The following AGBL4 variants were observed in gnomAD, a reference collection of about 807,000 sequenced individuals.
AGBL4 encodes cytosolic carboxypeptidase 6.
Under a neutral mutation model 66.4 loss-of-function variants are expected in AGBL4, and 58 were observed. The ratio of observed to expected loss-of-function variants is 0.87; its 90% CI spans 0.71 to 1.09. The LOEUF (loss-of-function observed/expected upper bound fraction) is 1.09, where lower values mean the gene tolerates loss of function less well. Ranked by LOEUF, AGBL4 falls within the 50% of genes least tolerant of loss-of-function variation. AGBL4 has a pLI of 0.00. For synonymous variants in AGBL4, 234 were observed against 222.9 expected, an observed-to-expected ratio of 1.05 and a Z score of -0.44; for missense variants, 579 against 631.0, an observed-to-expected ratio of 0.92 and a Z score of 0.88.
chr1:49,041,001 A>G (rs1342889290), intron 5 of AGBL4, among the ~76,000 whole-genome samples: 1 of 152,132 alleles, frequency 6.6e-6, no homozygotes, highest in Non-Finnish European at 1.5e-5. Context: ...TAAATGGCAG[A>G]TCACGGTTTT....
At chr1:49,950,084 G>A (rs12728731) in intron 1 of AGBL4, among the ~76,000 whole-genome samples, 1 of 134,644 alleles carries the variant, frequency 7.4e-6, no homozygotes, top group Non-Finnish European at 1.6e-5. Context: ...ACACATATGT[G>A]TATATATATA....
intron 3 of AGBL4, among the ~76,000 whole-genome samples, chr1:49,686,276 C>A (rs1039291245): frequency 6.6e-6 from 1 of 152,098 alleles, no homozygotes; most frequent in African/African-American, 2.4e-5. Context: ...AGTTCTTTTG[C>A]CAGCACCCTC....
chr1:49,216,257 T>A (rs1317316375), intron 4 of AGBL4, among the ~76,000 whole-genome samples: 1 of 152,138 alleles, frequency 6.6e-6, no homozygotes, highest in Non-Finnish European at 1.5e-5. Context: ...TTAATTTTAT[T>A]CATTTTTTTC....
At chr1:48,756,737 T>A (rs1007716082) in intron 6 of AGBL4, among the ~76,000 whole-genome samples, 1 of 152,238 alleles carries the variant, frequency 6.6e-6, no homozygotes. Flanking sequence ...CATGTGTTAA[T>A]CAATAGACTT....
chr1:49,151,622 A>G (rs1196027562), intron 4 of AGBL4, among the ~76,000 whole-genome samples: 1 of 151,926 alleles, frequency 6.6e-6, no homozygotes, highest in Non-Finnish European at 1.5e-5. Flanking sequence ...TGAGCAAATA[A>G]GTTCCTAAGA....
rs527496771 is a variant in AGBL4 at position 49,456,229 on chromosome 1, C to G, written c.283-210365G>C. 1.6e-3 allele frequency among the ~76,000 whole-genome samples: 249 copies of G among 151,830 alleles called. 1 individual carries two copies. The highest frequency in any genetic ancestry group is 5.6e-3 in the African/African-American group (233 of 41,500). ...TGTTGAAACTCAGGCTAGGGATACT[C>G]CCTTCATCTTGGAGAGGAACTCTCT... On this transcript the variant is annotated intron_variant, in intron 3 of 13. Coordinates refer to ENST00000371839, the MANE Select transcript of AGBL4 (RefSeq NM_032785.4).
intron 3 of AGBL4, among the ~76,000 whole-genome samples, chr1:49,568,406 A>C (rs1297787660): frequency 6.6e-6 from 1 of 151,792 alleles, no homozygotes; most frequent in African/African-American, 2.4e-5. Context: ...AAAGAATAAA[A>C]TACCTGGGAA....
intron 1 of AGBL4, among the ~76,000 whole-genome samples, chr1:50,000,099 G>A (rs113834995): frequency 0.028 from 4,283 of 152,032 alleles, 170 homozygotes; most frequent in African/African-American, 0.098. Context: ...AAAATCTTTG[G>A]CACAGCAAAA....
intron 3 of AGBL4, among the ~76,000 whole-genome samples, chr1:49,393,992 G>A (rs1644904169): frequency 6.6e-6 from 1 of 152,022 alleles, no homozygotes; most frequent in Non-Finnish European, 1.5e-5. Context: ...TACAGACAAT[G>A]GAAATAGAAG....
At chr1:48,566,477 C>T (rs754498938) in intron 11 of AGBL4, among the ~76,000 whole-genome samples, 2 of 152,232 alleles carry the variant, frequency 1.3e-5, no homozygotes, top group Admixed American at 6.5e-5. Flanking sequence ...TAGTCAAGTT[C>T]AGACTCTGAA....
intron 5 of AGBL4, among the ~76,000 whole-genome samples, chr1:49,009,647 G>A (rs1369586644): frequency 1.1e-4 from 16 of 151,006 alleles, no homozygotes; most frequent in East Asian, 1.9e-4. Flanking sequence ...CTGGCAAAAC[G>A]AATCCAGCAG....
intron 1 of AGBL4, among the ~76,000 whole-genome samples, chr1:49,935,717 A>G (rs1418841796): frequency 6.6e-6 from 1 of 152,228 alleles, no homozygotes; most frequent in Non-Finnish European, 1.5e-5. Flanking sequence ...GCTGATACCC[A>G]GGCAAACAGG....
At chr1:48,612,780 T>A (rs1040958971) in intron 9 of AGBL4, among the ~76,000 whole-genome samples, 2 of 152,238 alleles carry the variant, frequency 1.3e-5, no homozygotes, top group African/African-American at 4.8e-5. Flanking sequence ...AATTACATCT[T>A]TAAAAAATGT....
intron 3 of AGBL4, among the ~76,000 whole-genome samples, chr1:49,530,374 T>TA (rs1651041790): frequency 6.6e-6 from 1 of 151,644 alleles, no homozygotes. Context: ...ATGTGCCATG[T>TA]TGGTGTGCTG....
At chr1:49,963,676 T>C (rs542723146) in intron 1 of AGBL4, among the ~76,000 whole-genome samples, 1 of 152,272 alleles carries the variant, frequency 6.6e-6, no homozygotes, top group East Asian at 1.9e-4. Context: ...TGTTAGAATT[T>C]ATTTTTCTAT....
intron 1 of AGBL4, among the ~76,000 whole-genome samples, chr1:49,997,982 T>C (rs1028181194): frequency 4.6e-5 from 7 of 151,636 alleles, no homozygotes; most frequent in African/African-American, 1.7e-4. Context: ...GAAATCAAGA[T>C]GGAAATGAAG....
intron 6 of AGBL4, among the ~76,000 whole-genome samples, chr1:48,833,234 AG>A (rs1402570356): frequency 6.6e-6 from 1 of 152,222 alleles, no homozygotes; most frequent in Non-Finnish European, 1.5e-5. Context: ...GAACATTAAA[AG>A]CACATCTGTT....
chr1:49,203,106 AAC>A (rs1647850197), intron 4 of AGBL4, among the ~76,000 whole-genome samples: 1 of 128,444 alleles, frequency 7.8e-6, no homozygotes, highest in South Asian at 2.6e-4. Flanking sequence ...AAAAAAAAGA[AAC>A]AAACAGAAAG....
chr1:49,110,648 T>A (rs115670896), intron 4 of AGBL4, among the ~76,000 whole-genome samples: 4,304 of 152,206 alleles, frequency 0.028, 77 homozygotes, highest in Middle Eastern at 0.058. Flanking sequence ...CTCTTAGTTA[T>A]CTCCCACTTT....
Sources: allele counts gnomAD v4.1 joint callset (sites outside exome capture counted in the v4.1 genomes callset), GRCh38; gene constraint gnomAD v4.1.1; transcripts MANE v1.5; gene names NCBI Gene and HGNC (gene_info 2026-07-23, HGNC 2026-07-21).